Variants in UBE2E2 observed in about 807,000 individuals in gnomAD.
The protein encoded by UBE2E2 is ubiquitin-conjugating enzyme E2 E2.
Under a neutral mutation model 24.7 loss-of-function variants are expected in UBE2E2, and 6 were observed. The ratio of observed to expected loss-of-function variants is 0.24; its 90% CI spans 0.13 to 0.48. The LOEUF (loss-of-function observed/expected upper bound fraction) is 0.48. Ranked by LOEUF, UBE2E2 falls within the 20% of genes least tolerant of loss-of-function variation. The probability of loss-of-function intolerance (pLI) is 0.99; values close to 1 mark genes in which losing one functional copy is unlikely to be tolerated. For missense variants in UBE2E2, 169 were observed against 245.0 expected (o/e 0.69, Z 2.07); for synonymous variants, 104 against 83.6 (o/e 1.24, Z -1.33).
intron 3 of UBE2E2, among the ~76,000 whole-genome samples, chr3:23,347,050 C>G (rs996956693): frequency 6.6e-6 from 1 of 152,116 alleles, no homozygotes; most frequent in Non-Finnish European, 1.5e-5. Context: ...CATGCTACTT[C>G]CCTCTCTTTA....
intron 3 of UBE2E2, among the ~76,000 whole-genome samples, chr3:23,376,134 C>T (rs1171507158): frequency 1.3e-5 from 2 of 152,172 alleles, no homozygotes; most frequent in Non-Finnish European, 2.9e-5. Flanking sequence ...TATCCTCTGT[C>T]ATCATACTCA....
chr3:23,571,422 C>T (rs1260056239), intron 5 of UBE2E2, among the ~76,000 whole-genome samples: 4 of 150,564 alleles, frequency 2.7e-5, no homozygotes, highest in Non-Finnish European at 4.4e-5. Flanking sequence ...CCCGAGTAGC[C>T]GGGATTACAG....
At chr3:23,273,262 G>A (rs978900188) in intron 3 of UBE2E2, among the ~76,000 whole-genome samples, 1 of 152,164 alleles carries the variant, frequency 6.6e-6, no homozygotes, top group African/African-American at 2.4e-5. Flanking sequence ...TGATGGGGCC[G>A]GGCGCAGTGG....
chr3:23,412,322 C>T (rs1334195442), intron 3 of UBE2E2, among the ~76,000 whole-genome samples: 5 of 151,848 alleles, frequency 3.3e-5, no homozygotes, highest in African/African-American at 7.3e-5. Flanking sequence ...TTATGAAGGA[C>T]CTTGTTTGTA....
At chr3:23,234,394 A>G (rs1306957332) in intron 3 of UBE2E2, among the ~76,000 whole-genome samples, 1 of 152,120 alleles carries the variant, frequency 6.6e-6, no homozygotes, top group East Asian at 1.9e-4. Flanking sequence ...GTAGTCAGAG[A>G]TTGATGTTCA....
At chr3:23,354,180 C>T (rs973763893) in intron 3 of UBE2E2, among the ~76,000 whole-genome samples, 16 of 151,998 alleles carry the variant, frequency 1.1e-4, no homozygotes, top group South Asian at 1.0e-3. Context: ...AACTGGCTAG[C>T]CATATGTAGA....
intron 3 of UBE2E2, among the ~76,000 whole-genome samples, chr3:23,421,482 C>G (rs1024493279): frequency 6.6e-6 from 1 of 152,260 alleles, no homozygotes; most frequent in Non-Finnish European, 1.5e-5. Context: ...TCTCAGCTCA[C>G]TGCAACCTCT....
At chr3:23,374,908 A>G (rs1696483936) in intron 3 of UBE2E2, among the ~76,000 whole-genome samples, 1 of 152,186 alleles carries the variant, frequency 6.6e-6, no homozygotes, top group Non-Finnish European at 1.5e-5. Flanking sequence ...AACTGGGATT[A>G]CAGGTGCTCA....
At chr3:23,448,640 G>A (rs1672281184) in intron 3 of UBE2E2, among the ~76,000 whole-genome samples, 1 of 152,190 alleles carries the variant, frequency 6.6e-6, no homozygotes, top group Non-Finnish European at 1.5e-5. Flanking sequence ...ATTGGAGGGT[G>A]ATAATTTGTA....
chr3:23,318,418 T>C (rs891325099), intron 3 of UBE2E2, among the ~76,000 whole-genome samples: 1 of 152,166 alleles, frequency 6.6e-6, no homozygotes, highest in Non-Finnish European at 1.5e-5. Flanking sequence ...TATTCATCAA[T>C]AGGTTATAAC....
At chr3:23,481,192 A>G (rs1286490298) in intron 3 of UBE2E2, among the ~76,000 whole-genome samples, 1 of 152,234 alleles carries the variant, frequency 6.6e-6, no homozygotes, top group African/African-American at 2.4e-5. Context: ...CAAAAAAGAT[A>G]GGACTGTTGG....
intron 3 of UBE2E2, among the ~76,000 whole-genome samples, chr3:23,297,578 A>ATTGCTT (rs1698947769): frequency 6.6e-6 from 1 of 152,176 alleles, no homozygotes; most frequent in Non-Finnish European, 1.5e-5. Context: ...TCCTTTCCCC[A>ATTGCTT]TTGCTTGTTT....
At chr3:23,550,103 T>A (rs1695609074) in intron 5 of UBE2E2, among the ~76,000 whole-genome samples, 1 of 152,076 alleles carries the variant, frequency 6.6e-6, no homozygotes, top group African/African-American at 2.4e-5. Flanking sequence ...TTTGTTAAGT[T>A]TGGAGTTTCA....
chr3:23,441,090 G>T (rs986081016), intron 3 of UBE2E2, among the ~76,000 whole-genome samples: 1 of 152,126 alleles, frequency 6.6e-6, no homozygotes, highest in Non-Finnish European at 1.5e-5. Flanking sequence ...TTTTTACACC[G>T]ACTTGCAAAC....
At chr3:23,410,499 T>C (rs1282913651) in intron 3 of UBE2E2, among the ~76,000 whole-genome samples, 2 of 152,198 alleles carry the variant, frequency 1.3e-5, no homozygotes, top group Non-Finnish European at 2.9e-5. Context: ...GGCATGTTTT[T>C]ATGAATGTTC....
rs192361622 is a variant in UBE2E2 at position 23,341,502 on chromosome 3, A to C, written c.227+124190A>C. Among the ~76,000 whole-genome samples the C allele has an allele frequency of 1.5e-3, 233 of 152,282 alleles. 1 individual carries two copies. The highest frequency in any genetic ancestry group is 3.4e-3 in the Middle Eastern group (1 of 294). ...TTTTTCTAGTTGTGTCTTCACCTAG[A>C]ATCTTCAAGACCACAAGCTAAAGGT... On this transcript the variant is annotated intron_variant, in intron 3 of 5. Transcript: ENST00000396703.
intron 5 of UBE2E2, among the ~76,000 whole-genome samples, chr3:23,560,074 A>G (rs909896669): frequency 2.0e-5 from 3 of 151,944 alleles, no homozygotes; most frequent in African/African-American, 7.3e-5. Flanking sequence ...GTATTTTTTT[A>G]TTTTATTTTA....
At chr3:23,265,156 G>C (rs1698011629) in intron 3 of UBE2E2, among the ~76,000 whole-genome samples, 1 of 152,184 alleles carries the variant, frequency 6.6e-6, no homozygotes, top group Non-Finnish European at 1.5e-5. Context: ...GCTTCAGACT[G>C]ATTATATGCT....
At chr3:23,581,881 C>G (rs112586994) in intron 5 of UBE2E2, among the ~76,000 whole-genome samples, 2,119 of 152,312 alleles carry the variant, frequency 0.014, 42 homozygotes, top group African/African-American at 0.046. Flanking sequence ...TCACTTTCCT[C>G]TTACCACTTA....
Sources: gnomAD v4.1 joint callset for allele counts (sites outside exome capture counted in the v4.1 genomes callset) on GRCh38, gnomAD v4.1.1 for gene constraint, MANE v1.5 for transcripts, NCBI Gene and HGNC (gene_info 2026-07-23, HGNC 2026-07-21) for gene names.